SEMA6A: variants seen among roughly 807,000 people sequenced by gnomAD.
SEMA6A encodes the protein semaphorin-6A.
In SEMA6A, 25 loss-of-function variants were observed where a neutral mutation model predicts 96.8. The ratio of observed to expected loss-of-function variants is 0.26; its 90% CI spans 0.19 to 0.36. SEMA6A has a LOEUF of 0.36. Ranked by LOEUF, SEMA6A falls within the 10% of genes least tolerant of loss-of-function variation. SEMA6A has a pLI of 1.00. For synonymous variants in SEMA6A, 612 were observed against 518.0 expected, an observed-to-expected ratio of 1.18 and a Z score of -2.46; for missense variants, 1,363 against 1,323.1, an observed-to-expected ratio of 1.03 and a Z score of -0.47.
At chr5:116,479,915 G>T (rs771568997) in intron 12 of SEMA6A, among the ~76,000 whole-genome samples, 1 of 152,176 alleles carries the variant, frequency 6.6e-6, no homozygotes, top group African/African-American at 2.4e-5. Context: ...TGTCCAACTA[G>T]CCTGAAAATA....
At chr5:116,560,528 T>A (rs985522154) in intron 1 of SEMA6A, among the ~76,000 whole-genome samples, 1 of 151,624 alleles carries the variant, frequency 6.6e-6, no homozygotes, top group East Asian at 1.9e-4. Flanking sequence ...CCACTTAGGT[T>A]GTGCCATGCA....
intron 1 of SEMA6A, among the ~76,000 whole-genome samples, chr5:116,551,351 C>CACACACACAT (rs929415009): frequency 2.0e-5 from 3 of 151,398 alleles, no homozygotes; most frequent in African/African-American, 4.8e-5. Flanking sequence ...CACACACACA[C>CACACACACAT]ATTCTCTTTG....
chr5:116,456,490 T>C (rs1314240001), intron 18 of SEMA6A, among the ~76,000 whole-genome samples: 4 of 152,180 alleles, frequency 2.6e-5, no homozygotes, highest in Admixed American at 1.3e-4. Context: ...ACAAACACTT[T>C]CCCTTAGTAT....
At chr5:116,539,698 A>C (rs1295530056) in intron 1 of SEMA6A, among the ~76,000 whole-genome samples, 1 of 151,988 alleles carries the variant, frequency 6.6e-6, no homozygotes, top group Non-Finnish European at 1.5e-5. Context: ...TCCTTCAACA[A>C]CTTGATCTTC....
At chr5:116,475,035 T>C (rs939633775) in intron 16 of SEMA6A, among the ~76,000 whole-genome samples, 1 of 152,240 alleles carries the variant, frequency 6.6e-6, no homozygotes, top group Admixed American at 6.5e-5. Flanking sequence ...TGCCTTGTAC[T>C]TGTGGGTTAT....
chr5:116,478,319 T>C, intron 13 of SEMA6A, 165 bp from the exon 14 acceptor site: 1 of 797,370 alleles, frequency 1.3e-6, no homozygotes, highest in Non-Finnish European at 2.0e-6. Flanking sequence ...CACATGTATA[T>C]GTATCTATAT....
intron 1 of SEMA6A, among the ~76,000 whole-genome samples, chr5:116,562,027 T>C (rs1185777254): frequency 6.6e-6 from 1 of 152,148 alleles, no homozygotes; most frequent in East Asian, 1.9e-4. Context: ...GTGAATCTAC[T>C]CTGCTCTTTC....
At chr5:116,512,235 C>A (rs1004120972) in intron 1 of SEMA6A, among the ~76,000 whole-genome samples, 13 of 152,158 alleles carry the variant, frequency 8.5e-5, no homozygotes, top group African/African-American at 3.1e-4. Flanking sequence ...TGTTTGAAAC[C>A]TTTATTGTAC....
chr5:116,478,605 C>G lies in SEMA6A; in HGVS notation c.1364G>C (p.Gly455Ala). The part of the protein sequence containing the change: ...GIILKFLARI[G>A]NSGFLNDSLF... The stretch of plus-strand genomic sequence containing the variant: ...GCTGTCATTTAGAAAACCACTATTT[C>G]CTATTCTGGCCAAAAACTTCAAGAT... The change falls in exon 13 of 19, where the codon GGA (glycine) becomes GCA (alanine). Residue 455 changes from glycine to alanine, a missense_variant. By Grantham distance (60) the Gly-to-Ala change is moderately conservative (BLOSUM62 0). Coordinates refer to ENST00000343348, the MANE Select transcript of SEMA6A (RefSeq NM_020796.5). The G allele has an allele frequency of 6.2e-7, 1 of 1,613,436 alleles. No individual in the cohort carries two copies. Among genetic ancestry groups the G allele is most frequent in the Non-Finnish European group, 8.5e-7 (1 of 1,179,714 alleles).
chr5:116,447,779 C>T lies in SEMA6A; in HGVS notation c.1927G>A (p.Asp643Asn). The change falls in exon 19 of 19, where the codon GAC becomes AAC. Residue 643 changes from aspartate to asparagine, a missense_variant. Transcript: ENST00000343348. Reference sequence around the variant, plus strand: ...AAGAGGGTGACGGGAACCAGCTGGTCGTGGCCTTTGAGGTAACTTTCCCGA... The same window carrying T: ...AAGAGGGTGACGGGAACCAGCTGGTTGTGGCCTTTGAGGTAACTTTCCCGA... Reference protein sequence around the residue: ...VIRESYLKGHDQLVPVTLLAI... With the variant: ...VIRESYLKGHNQLVPVTLLAI... The T allele has an allele frequency of 1.9e-6, 3 of 1,606,092 alleles. No homozygotes were observed. Among genetic ancestry groups the T allele is most frequent in the East Asian group, 4.5e-5 (2 of 44,644 alleles).
chr5:116,487,684 C>T (rs1161360030), intron 9 of SEMA6A, among the ~76,000 whole-genome samples: 5 of 151,886 alleles, frequency 3.3e-5, no homozygotes, highest in East Asian at 1.9e-4. Context: ...GCCAACATGG[C>T]GAAACCCTGT....
chr5:116,523,458 C>T lies in SEMA6A; in HGVS notation c.-38-18476G>A, dbSNP rs373761688. On this transcript the variant is annotated intron_variant, in intron 1 of 18. Coordinates refer to ENST00000343348, the MANE Select transcript of SEMA6A (RefSeq NM_020796.5). ...CCTCCCGAGTCTGAGACTACAGGCA[C>T]GCGCCACCATGCCCAGCTAATTTTT... is the stretch of plus-strand genomic sequence containing the variant. 2.6e-3 allele frequency among the ~76,000 whole-genome samples: 391 copies of T among 152,154 alleles called. 4 individuals are homozygous for T. The South Asian group carries it at 0.027, about 11-fold the overall frequency.
At chr5:116,495,316 G>T in intron 6 of SEMA6A, 97 bp downstream of exon 6, 1 of 808,474 alleles carries the variant, frequency 1.2e-6, no homozygotes, top group Non-Finnish European at 2.1e-6. Context: ...AACTCAGGTG[G>T]TGTTGAATTA....
chr5:116,453,280 C>G (rs989766489), intron 18 of SEMA6A, among the ~76,000 whole-genome samples: 2 of 152,208 alleles, frequency 1.3e-5, no homozygotes, highest in Admixed American at 1.3e-4. Context: ...TCATCAGACC[C>G]TATCTTTAGG....
At chr5:116,534,551 A>G (rs777373607) in intron 1 of SEMA6A, among the ~76,000 whole-genome samples, 1 of 152,150 alleles carries the variant, frequency 6.6e-6, no homozygotes, top group Non-Finnish European at 1.5e-5. Flanking sequence ...CTTAGCTTAA[A>G]TGTTACTGCC....
chr5:116,503,151 C>A (rs1561501939), intron 2 of SEMA6A, among the ~76,000 whole-genome samples: 1 of 152,074 alleles, frequency 6.6e-6, no homozygotes, highest in Non-Finnish European at 1.5e-5. Context: ...ACTGGCGAGC[C>A]TCCAGACAAA....
At chr5:116,465,294 T>G (rs1325755616) in intron 18 of SEMA6A, among the ~76,000 whole-genome samples, 3 of 152,150 alleles carry the variant, frequency 2.0e-5, no homozygotes, top group Non-Finnish European at 2.9e-5. Context: ...AACACAGTGC[T>G]TGGCAAAATG....
chr5:116,477,801 T>C (rs1756534524), intron 15 of SEMA6A, 45 bp downstream of exon 15: 2 of 1,589,262 alleles, frequency 1.3e-6, no homozygotes, highest in Non-Finnish European at 1.7e-6. Flanking sequence ...GAATACACCT[T>C]GGCTGGAAGC....
intron 16 of SEMA6A, among the ~76,000 whole-genome samples, chr5:116,474,000 G>T (rs1008249298): frequency 6.6e-6 from 1 of 152,200 alleles, no homozygotes; most frequent in Admixed American, 6.5e-5. Flanking sequence ...AAAGAGTAAA[G>T]CACAGGGTTG....
Sources: allele counts gnomAD v4.1 joint callset (sites outside exome capture counted in the v4.1 genomes callset), GRCh38; gene constraint gnomAD v4.1.1; transcripts MANE v1.5; gene names NCBI Gene and HGNC (gene_info 2026-07-23, HGNC 2026-07-21).